Variants in MORC1 observed in about 807,000 individuals in gnomAD.
MORC1 encodes MORC family CW-type zinc finger 1, also known as MORC family CW-type zinc finger protein 1.
In MORC1, 59 loss-of-function variants were observed where a neutral mutation model predicts 134.9. The ratio of observed to expected loss-of-function variants is 0.44; its 90% confidence interval spans 0.35 to 0.54. The LOEUF is 0.54. Among genes scored for constraint, MORC1 ranks in the 20% least tolerant of loss-of-function variants. The probability of loss-of-function intolerance (pLI) is 0.00; values close to 1 mark genes in which losing one functional copy is unlikely to be tolerated. For missense variants in MORC1, 947 were observed against 1,134.5 expected (o/e 0.83, Z 2.37); for synonymous variants, 395 against 391.7 (o/e 1.01, Z -0.10).
At chr3:109,038,245 T>C (rs950919395) in intron 14 of MORC1, among the ~76,000 whole-genome samples, 1 of 152,130 alleles carries the variant, frequency 6.6e-6, no homozygotes, top group African/African-American at 2.4e-5. Context: ...TGTCTTCTTT[T>C]GAGAAATGTC....
At chr3:109,009,921 T>G (rs1948643798) in intron 17 of MORC1, among the ~76,000 whole-genome samples, 1 of 152,208 alleles carries the variant, frequency 6.6e-6, no homozygotes, top group African/African-American at 2.4e-5. Flanking sequence ...GTATTCAAAT[T>G]GTTCAAATAT....
intron 17 of MORC1, among the ~76,000 whole-genome samples, chr3:109,017,270 G>C (rs1007693884): frequency 6.6e-6 from 1 of 152,164 alleles, no homozygotes; most frequent in Non-Finnish European, 1.5e-5. Context: ...TAATCTAATG[G>C]AATTGAAGTG....
intron 16 of MORC1, among the ~76,000 whole-genome samples, chr3:109,029,497 C>T (rs1384853816): frequency 6.6e-6 from 1 of 152,192 alleles, no homozygotes; most frequent in Non-Finnish European, 1.5e-5. Context: ...TATTTTTTAA[C>T]ATCCTTTTCA....
chr3:109,011,960 T>C (rs985489998), intron 17 of MORC1, among the ~76,000 whole-genome samples: 3 of 152,230 alleles, frequency 2.0e-5, no homozygotes, highest in African/African-American at 7.2e-5. Flanking sequence ...TTAATTTTGA[T>C]GAGGTACAAT....
At chr3:109,039,206 G>A (rs1453597695) in intron 14 of MORC1, among the ~76,000 whole-genome samples, 4 of 152,114 alleles carry the variant, frequency 2.6e-5, no homozygotes, top group Admixed American at 1.3e-4. Context: ...GTGAGCCACC[G>A]TGCCCCGCCT....
intron 6 of MORC1, 22 bp downstream of exon 6, chr3:109,099,336 G>A: frequency 6.5e-7 from 1 of 1,548,920 alleles, no homozygotes; most frequent in Non-Finnish European, 8.8e-7. Flanking sequence ...TATGGGAACA[G>A]AAGGAAAACT....
intron 24 of MORC1, among the ~76,000 whole-genome samples, chr3:108,974,762 A>G (rs866594431): frequency 1.3e-5 from 2 of 152,220 alleles, no homozygotes; most frequent in East Asian, 3.8e-4. Context: ...TTTGTTTAAC[A>G]TTGTCTTTCT....
rs199513939 is a variant in MORC1, at chr3:109,057,335, A to G, written c.1175+8T>C. ...TGCTTATATCTCTGAAAGCAAAAACATACTCACAAGGACTTCAGTTTCAAC... is the reference window on the plus strand; with the variant it reads ...TGCTTATATCTCTGAAAGCAAAAACGTACTCACAAGGACTTCAGTTTCAAC... On this transcript the variant is annotated splice_region_variant and intron_variant, in intron 13 of 27. Transcript: ENST00000232603. 52 of 1,603,924 alleles carry G rather than the reference A, an allele frequency of 3.2e-5. No individual in the cohort carries two copies. In the East Asian group the frequency reaches 1.2e-3, roughly 36 times the overall value.
At chr3:109,038,626 G>A (rs1342741236) in intron 14 of MORC1, among the ~76,000 whole-genome samples, 1 of 152,156 alleles carries the variant, frequency 6.6e-6, no homozygotes, top group East Asian at 1.9e-4. Flanking sequence ...AGGGTGTAAG[G>A]AAGGGATCCA....
Position 109,059,890 on chromosome 3 carries a change from G to A in MORC1, c.967-20C>T. On this transcript the variant is annotated intron_variant, in intron 11 of 27. Transcript: ENST00000232603. Reference sequence around the variant, plus strand: ...TACATCCTGGAGAAATGCATTGGTTGGGAGAGAACATAATGCCACTGAATT... The same window carrying A: ...TACATCCTGGAGAAATGCATTGGTTAGGAGAGAACATAATGCCACTGAATT... 1 of 1,599,510 alleles carries A rather than the reference G, an allele frequency of 6.3e-7. No homozygotes were observed. Among genetic ancestry groups the A allele is most frequent in the Non-Finnish European group, 8.5e-7 (1 of 1,172,008 alleles).
chr3:108,973,721 T>A (rs1161376030), intron 24 of MORC1, among the ~76,000 whole-genome samples: 1 of 149,736 alleles, frequency 6.7e-6, no homozygotes, highest in African/African-American at 2.5e-5. Context: ...CTCACCCACC[T>A]GAGTAGCTGG....
intron 27 of MORC1, among the ~76,000 whole-genome samples, chr3:108,959,454 A>AT (rs1332519500): frequency 6.6e-6 from 1 of 152,182 alleles, no homozygotes; most frequent in African/African-American, 2.4e-5. Context: ...TATTTTTAAA[A>AT]TTAATGAATC....
chr3:109,016,661 A>G (rs1948821891), intron 17 of MORC1, among the ~76,000 whole-genome samples: 1 of 152,090 alleles, frequency 6.6e-6, no homozygotes, highest in Non-Finnish European at 1.5e-5. Context: ...TCAGGAGTTC[A>G]AGACCAGCCT....
chr3:109,042,052 G>C (rs1949566575), intron 14 of MORC1, among the ~76,000 whole-genome samples: 1 of 151,996 alleles, frequency 6.6e-6, no homozygotes, highest in South Asian at 2.1e-4. Flanking sequence ...GAAAGAAAGG[G>C]AGAGACTATT....
intron 26 of MORC1, among the ~76,000 whole-genome samples, 178 bp from the exon 27 acceptor site, chr3:108,963,786 A>G (rs972910451): frequency 6.6e-6 from 1 of 152,224 alleles, no homozygotes; most frequent in Non-Finnish European, 1.5e-5. Context: ...CTGATAGAAG[A>G]CTAAGAGAGA....
intron 27 of MORC1, among the ~76,000 whole-genome samples, chr3:108,960,405 A>C (rs1335953222): frequency 6.6e-6 from 1 of 152,228 alleles, no homozygotes; most frequent in Admixed American, 6.5e-5. Flanking sequence ...ATTTCTTCAA[A>C]AAACTGTAAC....
intron 8 of MORC1, among the ~76,000 whole-genome samples, chr3:109,074,629 C>G (rs938019490): frequency 1.3e-5 from 2 of 152,182 alleles, no homozygotes; most frequent in Non-Finnish European, 2.9e-5. Flanking sequence ...CATCGAGAGT[C>G]TAAACACCTT....
At chr3:109,082,902 AAG>A (rs1190868308) in intron 8 of MORC1, among the ~76,000 whole-genome samples, 1 of 152,158 alleles carries the variant, frequency 6.6e-6, no homozygotes, top group Non-Finnish European at 1.5e-5. Flanking sequence ...AAACTTGAGA[AAG>A]AGACCAATAT....
At chr3:108,980,314 T>C (rs1279835266) in intron 23 of MORC1, among the ~76,000 whole-genome samples, 2 of 152,110 alleles carry the variant, frequency 1.3e-5, no homozygotes, top group African/African-American at 4.8e-5. Context: ...GAGGTAACAG[T>C]TGATTTACAA....
Sources: allele counts gnomAD v4.1 joint callset (sites outside exome capture counted in the v4.1 genomes callset), GRCh38; gene constraint gnomAD v4.1.1; transcripts MANE v1.5; gene names NCBI Gene and HGNC (gene_info 2026-07-23, HGNC 2026-07-21).